Variants in LYN observed in about 807,000 individuals in gnomAD.
The protein encoded by LYN is tyrosine-protein kinase Lyn.
Under a neutral mutation model 65.0 loss-of-function variants are expected in LYN, and 12 were observed. The ratio of observed to expected loss-of-function variants is 0.18; its 90% CI spans 0.12 to 0.30. LYN has a LOEUF of 0.30. Ranked by LOEUF, LYN falls within the 10% of genes least tolerant of loss-of-function variation. LYN has a pLI of 1.00. For synonymous variants in LYN, 222 were observed against 221.2 expected, an observed-to-expected ratio of 1.00 and a Z score of -0.03; for missense variants, 380 against 623.2, an observed-to-expected ratio of 0.61 and a Z score of 4.16.
chr8:55,916,476 G>A (rs1159031843), intron 1 of LYN, among the ~76,000 whole-genome samples: 3 of 152,182 alleles, frequency 2.0e-5, no homozygotes, highest in South Asian at 2.1e-4. Flanking sequence ...GGAAGGGTGC[G>A]TGCGAATATG....
intron 1 of LYN, among the ~76,000 whole-genome samples, chr8:55,908,222 C>CATTT (rs60930363): frequency 0.32 from 45,428 of 142,800 alleles, 7,673 homozygotes; most frequent in East Asian, 0.5. Context: ...CTGTTTAAAC[C>CATTT]ATTTATTTAT....
intron 1 of LYN, among the ~76,000 whole-genome samples, chr8:55,889,048 C>G (rs333617): frequency 0.23 from 34,848 of 151,994 alleles, 4,217 homozygotes; most frequent in South Asian, 0.32. Flanking sequence ...GATGGGGTCT[C>G]ACTCTGTCGC....
intron 1 of LYN, among the ~76,000 whole-genome samples, chr8:55,915,845 A>G (rs1223793079): frequency 6.6e-6 from 1 of 152,218 alleles, no homozygotes; most frequent in African/African-American, 2.4e-5. Context: ...AGCGAGAGAC[A>G]TCGAGGATAA....
chr8:55,883,181 T>C (rs1011290788), intron 1 of LYN, among the ~76,000 whole-genome samples: 8 of 152,218 alleles, frequency 5.3e-5, no homozygotes, highest in African/African-American at 1.9e-4. Flanking sequence ...GTTGTATGGG[T>C]ACTTGAAGTA....
intron 1 of LYN, among the ~76,000 whole-genome samples, chr8:55,881,551 A>G (rs531218578): frequency 4.6e-5 from 7 of 152,290 alleles, no homozygotes; most frequent in African/African-American, 1.7e-4. Flanking sequence ...AATAAATTTC[A>G]CTGGATCATA....
In LYN at chr8:55,999,476, T is replaced by C; in HGVS notation, c.1263T>C (p.Thr421=). The C allele has an allele frequency of 1.2e-6, 2 of 1,613,614 alleles. No individual in the cohort carries two copies. Among genetic ancestry groups the C allele is most frequent in the Non-Finnish European group, 1.7e-6 (2 of 1,179,468 alleles). ...APEAINFGCF[T]IKSDVWSFGI... ...AAGCAATCAACTTTGGATGTTTCAC[T>C]ATTAAGTCTGATGTGTGGTCCTTTG... Residue 421 remains threonine, a synonymous_variant, in exon 12 of 13, where the codon ACT becomes ACC. Transcript: ENST00000519728.
intron 10 of LYN, among the ~76,000 whole-genome samples, chr8:55,994,657 T>A (rs1240393742): frequency 1.3e-5 from 2 of 152,226 alleles, no homozygotes; most frequent in African/African-American, 2.4e-5. Context: ...AGGTTCCTGG[T>A]TGCTATTGTC....
At chr8:55,916,598 G>A (rs1216956347) in intron 1 of LYN, among the ~76,000 whole-genome samples, 1 of 152,182 alleles carries the variant, frequency 6.6e-6, no homozygotes, top group Non-Finnish European at 1.5e-5. Context: ...CTGAGTGCCA[G>A]ATGTGAAGGA....
At chr8:55,982,673 C>T (rs1163068431) in intron 10 of LYN, among the ~76,000 whole-genome samples, 1 of 152,156 alleles carries the variant, frequency 6.6e-6, no homozygotes, top group African/African-American at 2.4e-5. Context: ...CCAGCACAGC[C>T]CTGTCATCAT....
chr8:55,953,417 C>T (rs951158579), intron 7 of LYN, among the ~76,000 whole-genome samples: 16 of 152,034 alleles, frequency 1.1e-4, no homozygotes, highest in Non-Finnish European at 2.2e-4. Flanking sequence ...GAGGCCGAGG[C>T]GGGTGGATCA....
intron 10 of LYN, among the ~76,000 whole-genome samples, chr8:55,976,829 G>A (rs1237299044): frequency 2.0e-5 from 3 of 152,090 alleles, no homozygotes; most frequent in Non-Finnish European, 4.4e-5. Flanking sequence ...AGGAGTACAC[G>A]GGGATGCAAG....
At chr8:55,937,525 T>C (rs1279561844) in intron 1 of LYN, among the ~76,000 whole-genome samples, 1 of 152,228 alleles carries the variant, frequency 6.6e-6, no homozygotes, top group Non-Finnish European at 1.5e-5. Flanking sequence ...TAAGTCATGC[T>C]AGCGGGAACA....
At chr8:55,965,706 G>T (rs975201831) in intron 8 of LYN, among the ~76,000 whole-genome samples, 6 of 152,116 alleles carry the variant, frequency 3.9e-5, no homozygotes, top group African/African-American at 1.4e-4. Flanking sequence ...ATTTTAAAAT[G>T]GGGATTATAA....
intron 1 of LYN, among the ~76,000 whole-genome samples, chr8:55,917,082 C>A (rs1333474946): frequency 6.6e-6 from 1 of 151,326 alleles, no homozygotes; most frequent in Non-Finnish European, 1.5e-5. Flanking sequence ...GAGGCTGAGG[C>A]ACAAGAATCA....
chr8:55,938,187 G>A (rs780486697), intron 1 of LYN, among the ~76,000 whole-genome samples: 3 of 152,200 alleles, frequency 2.0e-5, no homozygotes, highest in Admixed American at 6.5e-5. Context: ...TTTTCTGGAT[G>A]GGTCAGTGGG....
intron 1 of LYN, among the ~76,000 whole-genome samples, chr8:55,884,945 G>A (rs1040356458): frequency 1.3e-5 from 2 of 152,156 alleles, no homozygotes; most frequent in African/African-American, 4.8e-5. Flanking sequence ...TTTCTTAAAA[G>A]CTGTACTTAC....
Position 55,969,714 on chromosome 8 carries a change from T to C in LYN, c.974-3T>C, listed in dbSNP as rs374292382. ...CACTAACTTGTTCTTTCTTTCTCCATAGGCAGTTTGCTGGATTTCCTGAAG... is the reference window on the plus strand; with the variant it reads ...CACTAACTTGTTCTTTCTTTCTCCACAGGCAGTTTGCTGGATTTCCTGAAG... On this transcript the variant is annotated splice_region_variant and splice_polypyrimidine_tract_variant and intron_variant, in intron 9 of 12. Transcript: ENST00000519728. 1.3e-5 allele frequency: 21 copies of C among 1,612,450 alleles called. No individual in the cohort carries two copies. The African/African-American group carries it at 2.1e-4, about 16-fold the overall frequency.
intron 9 of LYN, 84 bp downstream of exon 9, chr8:55,966,981 A>T: frequency 1.5e-6 from 2 of 1,298,172 alleles, no homozygotes; most frequent in Middle Eastern, 2.5e-4. Flanking sequence ...TCACTCAACT[A>T]GTTTAATTAT....
intron 1 of LYN, among the ~76,000 whole-genome samples, chr8:55,929,498 A>T (rs1023320939): frequency 1.3e-5 from 2 of 152,246 alleles, no homozygotes; most frequent in Non-Finnish European, 2.9e-5. Flanking sequence ...TAAACTTAAC[A>T]TTCATGAATG....
Sources: allele counts gnomAD v4.1 joint callset (sites outside exome capture counted in the v4.1 genomes callset), GRCh38; gene constraint gnomAD v4.1.1; transcripts MANE v1.5; gene names NCBI Gene and HGNC (gene_info 2026-07-23, HGNC 2026-07-21).